Variants in CAMKV observed in about 807,000 individuals in gnomAD.
CAMKV encodes the protein caM kinase-like vesicle-associated protein.
In CAMKV, 5 loss-of-function variants were observed where a neutral mutation model predicts 50.2. The ratio of observed to expected loss-of-function variants is 0.10; its 90% CI spans 0.05 to 0.21. The LOEUF is 0.21. Ranked by LOEUF, CAMKV falls within the 10% of genes least tolerant of loss-of-function variation. The probability of loss-of-function intolerance (pLI) is 1.00; values close to 1 mark genes in which losing one functional copy is unlikely to be tolerated. For missense variants in CAMKV, 361 were observed against 650.5 expected (o/e 0.55, Z 4.84); for synonymous variants, 229 against 250.1 (o/e 0.92, Z 0.80).
In CAMKV at chr3:49,861,456, C is replaced by T; in HGVS notation, c.424G>A (p.Val142Met). Residue 142 changes from valine to methionine, a missense_variant, in exon 5 of 11, where the codon GTG becomes ATG. By Grantham distance (21) the Val-to-Met change is conservative. Coordinates refer to ENST00000477224, the MANE Select transcript of CAMKV (RefSeq NM_024046.5). This position sits in a 1 kb window ranked among gnomAD's most constrained non-coding sequence, Gnocchi z 7.7. The part of the protein sequence containing the change: ...AVAYLHSLKI[V>M]HRNLKLENLV... Reference sequence around the variant, plus strand: ...GCCCTCACCTTGAGATTCCTGTGCACGATCTTGAGTGAGTGCAAATAGGCC... The same window carrying T: ...GCCCTCACCTTGAGATTCCTGTGCATGATCTTGAGTGAGTGCAAATAGGCC... 3.1e-6 allele frequency: 5 copies of T among 1,614,122 alleles called. No homozygotes were observed. The highest frequency in any genetic ancestry group is 3.4e-6 in the Non-Finnish European group (4 of 1,180,030).
chr3:49,861,155 T>C lies in CAMKV; in HGVS notation c.562+25A>G, dbSNP rs1270147163. The C allele has an allele frequency of 1.6e-5, 14 of 879,910 alleles. No homozygotes were observed. Among genetic ancestry groups the C allele is most frequent in the Non-Finnish European group, 1.8e-5 (10 of 569,500 alleles). The allele number at this position is 879,910 out of a possible 1,614,324, so 54.5% of individuals were successfully genotyped here. A position where few individuals can be genotyped will look rare whatever the true frequency, so the allele number is the denominator to read the frequency against. ...TGAAGGCTGCCCCCCATTATCCCCCTGCCCCTGCCCCACCCCCTGCTTGCC... is the reference window on the plus strand; with the variant it reads ...TGAAGGCTGCCCCCCATTATCCCCCCGCCCCTGCCCCACCCCCTGCTTGCC... On this transcript the variant is annotated intron_variant, in intron 6 of 10. Coordinates refer to ENST00000477224, the MANE Select transcript of CAMKV (RefSeq NM_024046.5). This position sits in a 1 kb window ranked among gnomAD's most constrained non-coding sequence, Gnocchi z 7.7.
Position 49,859,831 on chromosome 3 carries a change from C to T in CAMKV, c.993G>A (p.Gln331=), listed in dbSNP as rs1311707456. Residue 331 remains glutamine (Q), a synonymous_variant, in exon 11 of 11, where the codon CAG becomes CAA. Coordinates refer to ENST00000477224, the MANE Select transcript of CAMKV (RefSeq NM_024046.5). This position sits in a 1 kb window ranked among gnomAD's most constrained non-coding sequence, Gnocchi z 5.5. The part of the protein sequence containing the change: ...TLMKRLRAPE[Q]SSTAAAQSAS... Reference sequence around the variant, plus strand: ...CCGACTGGGCTGCAGCCGTGCTGGACTGCTCTGGTGCCCGGAGCCGTTTCA... The same window carrying T: ...CCGACTGGGCTGCAGCCGTGCTGGATTGCTCTGGTGCCCGGAGCCGTTTCA... The T allele has an allele frequency of 6.5e-7, 1 of 1,529,624 alleles. No homozygotes were observed. The highest frequency in any genetic ancestry group is 1.3e-5 in the South Asian group (1 of 79,346). The allele number at this position is 1,529,624 out of a possible 1,614,324, so 94.8% of individuals were successfully genotyped here. A position where few individuals can be genotyped will look rare whatever the true frequency, so the allele number is the denominator to read the frequency against.
At chr3:49,864,576 T>C (rs1479652726) in intron 1 of CAMKV, among the ~76,000 whole-genome samples, 1 of 150,302 alleles carries the variant, frequency 6.7e-6, no homozygotes, top group Non-Finnish European at 1.5e-5. Context: ...AAGCTGGGGG[T>C]GGGGGGTTAC....
chr3:49,859,268 C>T lies in CAMKV; in HGVS notation c.*50G>A. The stretch of plus-strand genomic sequence containing the variant: ...TGTACAGTGAGAAGCCCCTCATCCA[C>T]TCTCCCACCCTCCTGCCCATCCCCT... On this transcript the variant is annotated 3_prime_UTR_variant, in exon 11 of 11. Coordinates refer to ENST00000477224, the MANE Select transcript of CAMKV (RefSeq NM_024046.5). The surrounding 1 kb of genome is among the most constrained non-coding windows in gnomAD (Gnocchi z 5.5). The T allele has an allele frequency of 2.1e-6, 3 of 1,455,308 alleles. No homozygotes were observed. The highest frequency in any genetic ancestry group is 4.8e-4 in the Middle Eastern group (2 of 4,148). 90.1% of individuals were successfully genotyped at this position (1,455,308 alleles called of 1,614,324 possible).
At position 49,859,680 on chromosome 3, in the gene CAMKV, C is replaced by T. The variant is rs150720881; in HGVS notation, c.1144G>A (p.Ala382Thr). 1.3e-5 allele frequency: 21 copies of T among 1,613,648 alleles called. No individual in the cohort carries two copies. The African/African-American group carries it at 1.9e-4, about 14-fold the overall frequency. ...GTGGCTGGGGTGGCACTACGGTCTG[C>T]GGGGGCCACATTATCACTCTTTGCA... Reference protein sequence around the residue: ...RAAKSDNVAPADRSATPATDG... With the variant: ...RAAKSDNVAPTDRSATPATDG... Residue 382 changes from alanine to threonine, a missense_variant, in exon 11 of 11, where the codon GCA (alanine) becomes ACA (threonine). Ala to Thr is a moderately conservative substitution (Grantham distance 58). Transcript: ENST00000477224. This position sits in a 1 kb window ranked among gnomAD's most constrained non-coding sequence, Gnocchi z 5.5.
intron 1 of CAMKV, among the ~76,000 whole-genome samples, chr3:49,868,543 A>G (rs549795438): frequency 2.0e-4 from 30 of 152,316 alleles, no homozygotes; most frequent in African/African-American, 7.2e-4. Context: ...GCTGGAGAGT[A>G]GGGCCATCAG....
chr3:49,866,099 A>ACTCCTCCTCCTC (rs59752228), intron 1 of CAMKV, among the ~76,000 whole-genome samples: 3 of 150,506 alleles, frequency 2.0e-5, no homozygotes, highest in East Asian at 2.0e-4. Context: ...TCAGCCAGTC[A>ACTCCTCCTCCTC]CTCCTCCTCC....
At position 49,859,485 on chromosome 3, in the gene CAMKV, GGGT is replaced by G. The variant is rs752753954; in HGVS notation, c.1336_1338del (p.Thr446del). On this transcript the variant is annotated inframe_deletion, in exon 11 of 11. Transcript: ENST00000477224. The surrounding 1 kb of genome is among the most constrained non-coding windows in gnomAD (Gnocchi z 5.5). Reference sequence around the variant, plus strand: ...TTGGTGGCCAGCATGGCACTGCTTTGGGTGGTGGGCACAGTGCTCTCTTCTGTG... The same window carrying G: ...TTGGTGGCCAGCATGGCACTGCTTTGGGTGGGCACAGTGCTCTCTTCTGTG... The G allele has an allele frequency of 6.2e-7, 1 of 1,614,174 alleles. No homozygotes were observed. Among genetic ancestry groups the G allele is most frequent in the South Asian group, 1.1e-5 (1 of 91,086 alleles).
chr3:49,860,680 T>A lies in CAMKV; in HGVS notation c.775+36A>T. 1 of 1,613,434 alleles carries A rather than the reference T, an allele frequency of 6.2e-7. No individual in the cohort carries two copies. Among genetic ancestry groups the A allele is most frequent in the South Asian group, 1.1e-5 (1 of 91,054 alleles). ...GAGCAGGACACCCTCCCCACTCCCT[T>A]GCGTTCTACCAAGTGCTGGGCAGGC... On this transcript the variant is annotated intron_variant, in intron 8 of 10. Coordinates refer to ENST00000477224, the MANE Select transcript of CAMKV (RefSeq NM_024046.5). The surrounding 1 kb of genome is among the most constrained non-coding windows in gnomAD (Gnocchi z 6.1).
chr3:49,864,801 C>T (rs955111781), intron 1 of CAMKV, among the ~76,000 whole-genome samples: 7 of 152,188 alleles, frequency 4.6e-5, no homozygotes, highest in Non-Finnish European at 8.8e-5. Flanking sequence ...GACCTGAAGG[C>T]ACTCACAGCC....
In CAMKV at chr3:49,862,828, G is replaced by A. The variant is rs2082033376; in HGVS notation, c.-14-426C>T. ...GAAGAACGTGAGCACTGCTAGGAGA[G>A]GGCAAACTCCCCTTTGTAAAGCAGT... On this transcript the variant is annotated intron_variant, in intron 1 of 10. Transcript: ENST00000477224. The surrounding 1 kb of genome is among the most constrained non-coding windows in gnomAD (Gnocchi z 5.2). 6.6e-6 allele frequency among the ~76,000 whole-genome samples: 1 copy of A among 152,204 alleles called. No individual in the cohort carries two copies. Among genetic ancestry groups the A allele is most frequent in the Non-Finnish European group, 1.5e-5 (1 of 68,036 alleles).
Position 49,862,906 on chromosome 3 carries a change from C to T in CAMKV, c.-14-504G>A, listed in dbSNP as rs2082034169. 6.6e-6 allele frequency among the ~76,000 whole-genome samples: 1 copy of T among 152,204 alleles called. No individual in the cohort carries two copies. Among genetic ancestry groups the T allele is most frequent in the Non-Finnish European group, 1.5e-5 (1 of 68,044 alleles). ...CATACCCTATGAACCAGCAATTGCA[C>T]TCCTAAATACGTGCCTACAGAAGTG... On this transcript the variant is annotated intron_variant, in intron 1 of 10. Transcript: ENST00000477224. The surrounding 1 kb of genome is among the most constrained non-coding windows in gnomAD (Gnocchi z 5.2).
At chr3:49,866,678 C>G (rs1449786683) in intron 1 of CAMKV, among the ~76,000 whole-genome samples, 1 of 152,246 alleles carries the variant, frequency 6.6e-6, no homozygotes, top group African/African-American at 2.4e-5. Context: ...GGCCTGCTCC[C>G]AGGGCCTGAC....
At chr3:49,865,464 A>C (rs1433337718) in intron 1 of CAMKV, among the ~76,000 whole-genome samples, 2 of 152,130 alleles carry the variant, frequency 1.3e-5, no homozygotes, top group African/African-American at 4.8e-5. Flanking sequence ...CCCTTCCCCC[A>C]AAAGCCTCCC....
chr3:49,861,909 C>T lies in CAMKV; in HGVS notation c.228-44G>A, dbSNP rs778177327. 1.9e-6 allele frequency: 3 copies of T among 1,610,526 alleles called. No individual in the cohort carries two copies. In the Admixed American group the frequency reaches 5.0e-5, roughly 27 times the overall value. ...GCCAGTAGTTAGGGCTGGATGAACC[C>T]CTGGGAGAGGCTGTGGTCACCACAG... is the stretch of plus-strand genomic sequence containing the variant. On this transcript the variant is annotated intron_variant, in intron 3 of 10. Coordinates refer to ENST00000477224, the MANE Select transcript of CAMKV (RefSeq NM_024046.5). The surrounding 1 kb of genome is among the most constrained non-coding windows in gnomAD (Gnocchi z 7.7).
chr3:49,859,879 C>T lies in CAMKV; in HGVS notation c.945G>A (p.Lys315=), dbSNP rs368734709. 45 of 1,511,596 alleles carry T rather than the reference C, an allele frequency of 3.0e-5. No individual in the cohort carries two copies. The highest frequency in any genetic ancestry group is 3.7e-5 in the Non-Finnish European group (42 of 1,138,214). 93.6% of individuals were successfully genotyped at this position (1,511,596 alleles called of 1,614,324 possible). A position where few individuals can be genotyped will look rare whatever the true frequency, so the allele number is the denominator to read the frequency against. The part of the protein sequence containing the change: ...EKNFARAKWK[K]AVRVTTLMKR... ...TCATGAGGGTGGTCACTCGGACAGC[C>T]TTCTGAAAGGAGCACAGTGGAGAAA... is the stretch of plus-strand genomic sequence containing the variant. The change falls in exon 11 of 11, where the codon AAG becomes AAA. Residue 315 remains lysine (K), a splice_region_variant and synonymous_variant. Transcript: ENST00000477224. This position sits in a 1 kb window ranked among gnomAD's most constrained non-coding sequence, Gnocchi z 5.5.
In CAMKV at chr3:49,862,253, C is replaced by T; in HGVS notation, c.95+41G>A. ...CACTGCCACTTCCCTAGCCCCTGCT[C>T]ACCAGCCCACCCAGCCTTGCCTGAC... On this transcript the variant is annotated intron_variant, in intron 2 of 10. Coordinates refer to ENST00000477224, the MANE Select transcript of CAMKV (RefSeq NM_024046.5). This position sits in a 1 kb window ranked among gnomAD's most constrained non-coding sequence, Gnocchi z 5.2. The T allele has an allele frequency of 1.2e-6, 2 of 1,614,160 alleles. No individual in the cohort carries two copies.
intron 1 of CAMKV, among the ~76,000 whole-genome samples, chr3:49,865,026 ACT>A (rs2082053061): frequency 1.3e-5 from 2 of 152,060 alleles, no homozygotes; most frequent in African/African-American, 2.4e-5. Flanking sequence ...TAGGGAACAA[ACT>A]CTATCATTCC....
chr3:49,860,363 G>A lies in CAMKV; in HGVS notation c.855-105C>T. 1 of 1,525,874 alleles carries A rather than the reference G, an allele frequency of 6.6e-7. No homozygotes were observed. Among genetic ancestry groups the A allele is most frequent in the Non-Finnish European group, 9.1e-7 (1 of 1,103,014 alleles). 94.5% of individuals were successfully genotyped at this position (1,525,874 alleles called of 1,614,324 possible). ...CAGGGACTACCAGGCAGAGCCTCTGGGCTGCCCTGAGCTCTAGGTACCTGC... is the reference window on the plus strand; with the variant it reads ...CAGGGACTACCAGGCAGAGCCTCTGAGCTGCCCTGAGCTCTAGGTACCTGC... On this transcript the variant is annotated intron_variant, in intron 9 of 10. Coordinates refer to ENST00000477224, the MANE Select transcript of CAMKV (RefSeq NM_024046.5). The surrounding 1 kb of genome is among the most constrained non-coding windows in gnomAD (Gnocchi z 6.1).
Sources: gnomAD v4.1 joint callset for allele counts (sites outside exome capture counted in the v4.1 genomes callset) on GRCh38, gnomAD v4.1.1 for gene constraint, Gnocchi (gnomAD v3.1) non-coding constraint, MANE v1.5 for transcripts, NCBI Gene and HGNC (gene_info 2026-07-23, HGNC 2026-07-21) for gene names.